Variants in FLI1 observed in about 807,000 individuals in gnomAD.
FLI1 encodes the protein Friend leukemia integration 1 transcription factor.
A neutral mutation model predicts 53.1 loss-of-function variants in FLI1; 13 were observed. The observed-to-expected ratio is 0.24, with a 90% confidence interval of 0.16 to 0.39. The LOEUF (loss-of-function observed/expected upper bound fraction) is 0.39. Among genes scored for constraint, FLI1 ranks in the 10% least tolerant of loss-of-function variants. The pLI, the probability that FLI1 is intolerant of heterozygous loss-of-function variation, is 1.00. For missense variants in FLI1, 424 were observed against 600.5 expected, an observed-to-expected ratio of 0.71 and a Z score of 3.07; for synonymous variants, 244 against 236.7, an observed-to-expected ratio of 1.03 and a Z score of -0.28.
chr11:128,706,561 G>A (rs1938554952), intron 1 of FLI1, among the ~76,000 whole-genome samples: 1 of 152,144 alleles, frequency 6.6e-6, no homozygotes, highest in South Asian at 2.1e-4. Flanking sequence ...AAGATGTAGT[G>A]TGTCAAAAGA....
intron 1 of FLI1, among the ~76,000 whole-genome samples, chr11:128,755,940 T>C (rs747954228): frequency 1.4e-4 from 21 of 152,202 alleles, no homozygotes; most frequent in Non-Finnish European, 3.1e-4. Flanking sequence ...CCTTTTTGAA[T>C]TATGGCTGTC....
intron 2 of FLI1, 115 bp from the exon 3 acceptor site, chr11:128,768,003 G>C: frequency 7.0e-6 from 6 of 861,666 alleles, no homozygotes; most frequent in Non-Finnish European, 1.1e-5. Context: ...CACCAAGTGT[G>C]GCCGGGCAAT....
At chr11:128,749,236 G>T (rs1940541202) in intron 1 of FLI1, among the ~76,000 whole-genome samples, 1 of 152,200 alleles carries the variant, frequency 6.6e-6, no homozygotes. Context: ...TGGGTTTTCG[G>T]TTGCTGAGTA....
Position 128,813,022 on chromosome 11 carries a change from A to G in FLI1, c.*2034A>G. On this transcript the variant is annotated 3_prime_UTR_variant, in exon 9 of 9. Coordinates refer to ENST00000527786, the MANE Select transcript of FLI1 (RefSeq NM_002017.5). ...CTAGAACCTTCTTAGGGTAACACTA[A>G]GTACCTTCTAGACAACATGTCTACC... is the stretch of plus-strand genomic sequence containing the variant. 5.9e-6 allele frequency: 1 copy of G among 168,316 alleles called. No individual in the cohort carries two copies. The highest frequency in any genetic ancestry group is 1.3e-5 in the Non-Finnish European group (1 of 77,758). The allele number at this position is 168,316 out of a possible 1,614,324, so 10.4% of individuals were successfully genotyped here.
rs1942955166 is a variant in FLI1, at chr11:128,812,232, A to G, written c.*1244A>G. On this transcript the variant is annotated 3_prime_UTR_variant, in exon 9 of 9. Transcript: ENST00000527786. ...TCACAGCTCTGGGAAAAACAACGAA[A>G]CTTTCCCTTGTGGAGAGGAGGGATT... 4.6e-6 allele frequency: 1 copy of G among 219,434 alleles called. No individual in the cohort carries two copies. Among genetic ancestry groups the G allele is most frequent in the Non-Finnish European group, 9.1e-6 (1 of 109,300 alleles). 13.6% of individuals were successfully genotyped at this position (219,434 alleles called of 1,614,324 possible).
chr11:128,750,028 G>A (rs750215036), intron 1 of FLI1, among the ~76,000 whole-genome samples: 1 of 152,204 alleles, frequency 6.6e-6, no homozygotes, highest in Non-Finnish European at 1.5e-5. Context: ...TATCTTGTTC[G>A]CATTTCATAT....
At chr11:128,711,466 A>G (rs1351968756) in intron 1 of FLI1, among the ~76,000 whole-genome samples, 1 of 152,250 alleles carries the variant, frequency 6.6e-6, no homozygotes, top group Non-Finnish European at 1.5e-5. Flanking sequence ...TGGCTTCATC[A>G]TCAATTCTCT....
chr11:128,760,322 T>C (rs1408981588), intron 2 of FLI1, among the ~76,000 whole-genome samples: 1 of 152,120 alleles, frequency 6.6e-6, no homozygotes, highest in Non-Finnish European at 1.5e-5. Context: ...ACCCAGGCGT[T>C]TGGTTCCAGC....
rs562536255 is a variant in FLI1 at position 128,765,887 on chromosome 11, T to C, written c.231-2231T>C. On this transcript the variant is annotated intron_variant, in intron 2 of 8. Transcript: ENST00000527786. ...AAGTGTACGTGCATGTGTGTGCATG[T>C]TCTCTGTGTTGAAATGTGTGCTTCC... is the stretch of plus-strand genomic sequence containing the variant. Among the ~76,000 whole-genome samples the C allele has an allele frequency of 1.9e-3, 289 of 152,278 alleles. 1 individual carries two copies. Among genetic ancestry groups the C allele is most frequent in the African/African-American group, 6.7e-3 (278 of 41,562 alleles).
intron 1 of FLI1, among the ~76,000 whole-genome samples, chr11:128,697,845 G>A (rs11221438): frequency 6.6e-6 from 1 of 152,202 alleles, no homozygotes; most frequent in African/African-American, 2.4e-5. Context: ...AAACCCTCCA[G>A]GAATGTAGAC....
Position 128,810,151 on chromosome 11 carries a change from G to T in FLI1, c.830-308G>T, listed in dbSNP as rs189030317. 6.6e-6 allele frequency among the ~76,000 whole-genome samples: 1 copy of T among 151,908 alleles called. No homozygotes were observed. The highest frequency in any genetic ancestry group is 6.6e-5 in the Admixed American group (1 of 15,260). On this transcript the variant is annotated intron_variant, in intron 8 of 8. Coordinates refer to ENST00000527786, the MANE Select transcript of FLI1 (RefSeq NM_002017.5). The surrounding 1 kb of genome is among the most constrained non-coding windows in gnomAD (Gnocchi z 6.6). The stretch of plus-strand genomic sequence containing the variant: ...AGCCTTGCCAAAGGGATTGAGGGGG[G>T]ATATGGCTCACCCAAGATCACACAG...
At chr11:128,709,566 A>G (rs530634147) in intron 1 of FLI1, among the ~76,000 whole-genome samples, 1 of 152,108 alleles carries the variant, frequency 6.6e-6, no homozygotes, top group Non-Finnish European at 1.5e-5. Context: ...TCCCATCCCA[A>G]TCAATGGGGG....
chr11:128,794,653 G>A (rs191888189), intron 5 of FLI1, among the ~76,000 whole-genome samples: 2 of 152,134 alleles, frequency 1.3e-5, no homozygotes, highest in Non-Finnish European at 1.5e-5. Flanking sequence ...ATAATAAAGA[G>A]CATATTTCTC....
At chr11:128,735,212 C>A (rs182124903) in intron 1 of FLI1, among the ~76,000 whole-genome samples, 1 of 152,166 alleles carries the variant, frequency 6.6e-6, no homozygotes, top group African/African-American at 2.4e-5. Flanking sequence ...TTTTCCTTGT[C>A]ATTATTATTA....
chr11:128,795,026 A>G (rs1942388534), intron 5 of FLI1, among the ~76,000 whole-genome samples: 1 of 152,208 alleles, frequency 6.6e-6, no homozygotes, highest in Non-Finnish European at 1.5e-5. Flanking sequence ...CAGTGAGCCA[A>G]CATTGCGCCA....
At chr11:128,725,237 G>C (rs902591253) in intron 1 of FLI1, among the ~76,000 whole-genome samples, 5 of 152,230 alleles carry the variant, frequency 3.3e-5, no homozygotes, top group African/African-American at 4.8e-5. Context: ...TGTTAGGTGA[G>C]CCTGAAGGTG....
chr11:128,731,361 T>C (rs984887239), intron 1 of FLI1, among the ~76,000 whole-genome samples: 2 of 152,158 alleles, frequency 1.3e-5, no homozygotes, highest in African/African-American at 4.8e-5. Context: ...TGGCTGCAGA[T>C]AGATGGTGCA....
Position 128,802,989 on chromosome 11 carries a change from C to T in FLI1, c.656-2377C>T, listed in dbSNP as rs3758769. 2.0e-5 allele frequency among the ~76,000 whole-genome samples: 3 copies of T among 152,280 alleles called. No homozygotes were observed. In the East Asian group the frequency reaches 5.8e-4, roughly 29 times the overall value. ...CAAAAGAAATAATTCTGAGTGGTTACCAGATAGCTTTCAGAGAGGGTTGAA... is the reference window on the plus strand; with the variant it reads ...CAAAAGAAATAATTCTGAGTGGTTATCAGATAGCTTTCAGAGAGGGTTGAA... On this transcript the variant is annotated intron_variant, in intron 5 of 8. Coordinates refer to ENST00000527786, the MANE Select transcript of FLI1 (RefSeq NM_002017.5).
intron 3 of FLI1, among the ~76,000 whole-genome samples, chr11:128,772,202 G>A (rs900005311): frequency 6.6e-6 from 1 of 152,128 alleles, no homozygotes; most frequent in African/African-American, 2.4e-5. Flanking sequence ...TCATCTTTGG[G>A]TATTTAAATA....
Sources: gnomAD v4.1 joint callset for allele counts (sites outside exome capture counted in the v4.1 genomes callset) on GRCh38, gnomAD v4.1.1 for gene constraint, Gnocchi (gnomAD v3.1) non-coding constraint, MANE v1.5 for transcripts, NCBI Gene and HGNC (gene_info 2026-07-23, HGNC 2026-07-21) for gene names.